Variants in NTM observed in about 807,000 individuals in gnomAD.
NTM encodes neurotrimin, also known as IgLON family member 2.
NTM carries 13 observed loss-of-function variants against 42.1 expected under a neutral mutation model. The ratio of observed to expected loss-of-function variants is 0.31; its 90% CI spans 0.20 to 0.49. The LOEUF is 0.49. Among genes scored for constraint, NTM ranks in the 20% least tolerant of loss-of-function variants. NTM has a pLI of 0.99. For missense variants in NTM, 373 were observed against 452.8 expected (o/e 0.82, Z 1.60); for synonymous variants, 187 against 179.2 (o/e 1.04, Z -0.35).
intron 4 of NTM, among the ~76,000 whole-genome samples, chr11:132,277,967 G>T (rs1430786930): frequency 6.6e-6 from 1 of 152,148 alleles, no homozygotes; most frequent in African/African-American, 2.4e-5. Context: ...AGTTTATTGA[G>T]AACTCGAAAA....
chr11:132,174,225 C>A (rs2076481895), intron 3 of NTM, among the ~76,000 whole-genome samples: 1 of 152,174 alleles, frequency 6.6e-6, no homozygotes. Flanking sequence ...AGTAGCTGGG[C>A]AAACTTATAC....
chr11:131,472,201 A>G (rs1455511554), intron 1 of NTM, among the ~76,000 whole-genome samples: 2 of 152,216 alleles, frequency 1.3e-5, no homozygotes, highest in Non-Finnish European at 2.9e-5. Flanking sequence ...TGGGTGACAC[A>G]TGAGGAAGTC....
At chr11:132,112,035 G>T (rs534174081) in intron 2 of NTM, among the ~76,000 whole-genome samples, 2 of 152,210 alleles carry the variant, frequency 1.3e-5, no homozygotes, top group Admixed American at 6.5e-5. Flanking sequence ...ACAACAAAAG[G>T]TCATCCCTCC....
chr11:131,518,610 T>C (rs369324108), intron 1 of NTM, among the ~76,000 whole-genome samples: 1 of 152,346 alleles, frequency 6.6e-6, no homozygotes, highest in African/African-American at 2.4e-5. Flanking sequence ...AAATTGATGC[T>C]GTGTGAATAA....
chr11:131,632,673 C>CTTTTTTTTTTTTT lies in NTM; in HGVS notation c.82+261792_82+261804dup, dbSNP rs529612626. On this transcript the variant is annotated intron_variant, in intron 1 of 8. Transcript: ENST00000683400. ...TTTCATCTTGGTCATGCTCGGGCAG[C>CTTTTTTTTTTTTT]TTTTTTTTTTTTTTTTTTTGAGACG... Among the ~76,000 whole-genome samples, 50 of 83,086 alleles carry CTTTTTTTTTTTTT rather than the reference C, an allele frequency of 6.0e-4. 2 individuals are homozygous for CTTTTTTTTTTTTT. Among genetic ancestry groups the CTTTTTTTTTTTTT allele is most frequent in the Non-Finnish European group, 7.8e-4 (37 of 47,368 alleles). 54.5% of individuals were successfully genotyped at this position (83,086 alleles called of 152,430 possible).
At chr11:131,916,538 A>G (rs1204600278) in intron 2 of NTM, among the ~76,000 whole-genome samples, 2 of 152,190 alleles carry the variant, frequency 1.3e-5, no homozygotes, top group Admixed American at 6.5e-5. Flanking sequence ...ATGGGACTCC[A>G]TGGAATCACA....
intron 2 of NTM, among the ~76,000 whole-genome samples, chr11:132,049,594 T>C (rs1047654220): frequency 1.3e-5 from 2 of 152,158 alleles, no homozygotes; most frequent in African/African-American, 4.8e-5. Context: ...CTGGGAGTTA[T>C]CAGCATGGCT....
chr11:131,580,039 C>T (rs2058265429), intron 1 of NTM, among the ~76,000 whole-genome samples: 1 of 152,082 alleles, frequency 6.6e-6, no homozygotes, highest in Admixed American at 6.6e-5. Flanking sequence ...CTATAATGTA[C>T]CCAGAGAGCC....
intron 2 of NTM, among the ~76,000 whole-genome samples, chr11:131,968,283 G>T (rs1019149979): frequency 6.6e-6 from 1 of 152,240 alleles, no homozygotes; most frequent in Admixed American, 6.5e-5. Context: ...GTGAGCGGAG[G>T]TCTGCTTCTC....
chr11:131,759,167 C>T (rs543553271), intron 1 of NTM, among the ~76,000 whole-genome samples: 8 of 152,326 alleles, frequency 5.3e-5, no homozygotes, highest in African/African-American at 1.4e-4. Context: ...CAGCTGCACA[C>T]CCCTGTGCAT....
At chr11:131,443,136 G>A (rs936264791) in intron 1 of NTM, among the ~76,000 whole-genome samples, 8 of 152,136 alleles carry the variant, frequency 5.3e-5, no homozygotes, top group Non-Finnish European at 7.3e-5. Context: ...TACACAGTAC[G>A]TGTGGTGAGC....
intron 4 of NTM, among the ~76,000 whole-genome samples, chr11:132,247,553 CAT>C (rs1334949857): frequency 2.0e-5 from 3 of 152,056 alleles, no homozygotes; most frequent in East Asian, 1.9e-4. Context: ...AAGAAAAAAA[CAT>C]ATAATGAAGT....
At chr11:132,163,182 G>A (rs2074690273) in intron 3 of NTM, among the ~76,000 whole-genome samples, 1 of 152,188 alleles carries the variant, frequency 6.6e-6, no homozygotes, top group Non-Finnish European at 1.5e-5. Context: ...GAACAGTGCA[G>A]CAGCAACAGG....
At chr11:131,947,555 G>A (rs75344221) in intron 2 of NTM, among the ~76,000 whole-genome samples, 2,568 of 152,294 alleles carry the variant, frequency 0.017, 66 homozygotes, top group African/African-American at 0.055. Context: ...GGAGGTGGGT[G>A]CAGGGATGAT....
At chr11:131,874,327 G>T (rs2048281319) in intron 1 of NTM, among the ~76,000 whole-genome samples, 1 of 151,574 alleles carries the variant, frequency 6.6e-6, no homozygotes, top group Admixed American at 6.6e-5. Context: ...TGTCATCCTG[G>T]TTTTAAGTCA....
intron 1 of NTM, among the ~76,000 whole-genome samples, chr11:131,809,604 C>T (rs1266189360): frequency 3.9e-5 from 6 of 152,220 alleles, no homozygotes; most frequent in African/African-American, 1.2e-4. Context: ...TCCTCCTCTC[C>T]CCACTTTTTT....
chr11:131,464,327 C>T (rs1951684668), intron 1 of NTM, among the ~76,000 whole-genome samples: 1 of 151,648 alleles, frequency 6.6e-6, no homozygotes, highest in South Asian at 2.1e-4. Flanking sequence ...CTGGCCCCAC[C>T]CTCACTACAC....
chr11:131,864,963 T>A (rs2046991468), intron 1 of NTM, among the ~76,000 whole-genome samples: 1 of 152,214 alleles, frequency 6.6e-6, no homozygotes, highest in South Asian at 2.1e-4. Flanking sequence ...AGAGGAAAGC[T>A]TGGCAACCTC....
In NTM at chr11:131,880,445, C is replaced by T. The variant is rs916381677; in HGVS notation, c.83-31119C>T. 5.3e-5 allele frequency among the ~76,000 whole-genome samples: 8 copies of T among 152,190 alleles called. No individual in the cohort carries two copies. In the South Asian group the frequency reaches 1.5e-3, roughly 28 times the overall value. ...GAGGGAAGGGAATTGTTCATTTGCT[C>T]AGCAGGTGCTAGGACAAGGAGCACT... On this transcript the variant is annotated intron_variant, in intron 1 of 8. Transcript: ENST00000683400.
Sources: allele counts gnomAD v4.1 joint callset (sites outside exome capture counted in the v4.1 genomes callset), GRCh38; gene constraint gnomAD v4.1.1; transcripts MANE v1.5; gene names NCBI Gene and HGNC (gene_info 2026-07-23, HGNC 2026-07-21).